Variants in CD160 observed in about 807,000 individuals in gnomAD.
CD160 encodes the protein CD160 antigen.
In CD160, 11 loss-of-function variants were observed where a neutral mutation model predicts 19.2. The observed-to-expected ratio is 0.57, with a 90% CI of 0.36 to 0.95. CD160 has a LOEUF of 0.95. Among genes scored for constraint, CD160 ranks in the 40% least tolerant of loss-of-function variants. The pLI is 0.01. For synonymous variants in CD160, 75 were observed against 81.1 expected, an observed-to-expected ratio of 0.93 and a Z score of 0.40; for missense variants, 182 against 213.2, an observed-to-expected ratio of 0.85 and a Z score of 0.91.
intron 4 of CD160, 48 bp downstream of exon 4, chr1:145,731,118 G>C: frequency 7.0e-7 from 1 of 1,437,542 alleles, no homozygotes; most frequent in African/African-American, 1.4e-5. Context: ...CAGTGAGCAG[G>C]GTTGACAGTG....
At chr1:145,734,142 T>G (rs1189358761) in intron 4 of CD160, among the ~76,000 whole-genome samples, 1 of 152,150 alleles carries the variant, frequency 6.6e-6, no homozygotes, top group African/African-American at 2.4e-5. Flanking sequence ...AGTACTTTGT[T>G]ATTCCTTTCC....
At chr1:145,720,685 C>T (rs587658699) in intron 1 of CD160, among the ~76,000 whole-genome samples, 1 of 152,322 alleles carries the variant, frequency 6.6e-6, no homozygotes, top group South Asian at 2.1e-4. Flanking sequence ...GAAATGGAGA[C>T]TCTTCCTTGC....
intron 1 of CD160, among the ~76,000 whole-genome samples, chr1:145,721,977 AAG>A (rs1347722298): frequency 6.6e-6 from 1 of 152,216 alleles, no homozygotes; most frequent in Non-Finnish European, 1.5e-5. Context: ...CTCCAAGAGA[AAG>A]ACTCTCATAA....
chr1:145,736,357 T>A, intron 5 of CD160: 2 of 1,342,806 alleles, frequency 1.5e-6, no homozygotes, highest in Non-Finnish European at 2.0e-6. Context: ...GGGTAGGAGG[T>A]AAGACTCATT....
At chr1:145,736,661 G>A (rs587678629) in intron 5 of CD160, 3 of 160,294 alleles carry the variant, frequency 1.9e-5, no homozygotes, top group African/African-American at 4.8e-5. Flanking sequence ...TTGTCATAAC[G>A]TTTTTGCATA....
chr1:145,721,460 C>G (rs1656845555), intron 1 of CD160, among the ~76,000 whole-genome samples: 1 of 152,176 alleles, frequency 6.6e-6, no homozygotes, highest in Non-Finnish European at 1.5e-5. Flanking sequence ...TCGCTGCCCC[C>G]CAGCGCTGGT....
intron 4 of CD160, among the ~76,000 whole-genome samples, chr1:145,734,604 G>C (rs900387980): frequency 1.2e-4 from 19 of 152,182 alleles, no homozygotes; most frequent in African/African-American, 2.4e-5. Flanking sequence ...TTGGAGAACA[G>C]AATGAGGTAT....
rs1657531778 is a variant in CD160 at position 145,737,205 on chromosome 1, C to T, written c.538+1071C>T. 5 of 149,432 alleles carry T rather than the reference C, an allele frequency of 3.3e-5. No homozygotes were observed. The Admixed American group carries it at 3.4e-4, about 10-fold the overall frequency. 9.3% of individuals were successfully genotyped at this position (149,432 alleles called of 1,614,324 possible). A position where few individuals can be genotyped will look rare whatever the true frequency, so the allele number is the denominator to read the frequency against. On this transcript the variant is annotated intron_variant, in intron 5 of 5. Transcript: ENST00000369288. ...GGTTGAGGTTGCAGTGAGCCATGAT[C>T]ATGCCACTGTACTCCAGCCTGGGTG...
Position 145,731,020 on chromosome 1 carries a change from A to G in CD160, c.350A>G (p.Gln117Arg), listed in dbSNP as rs1380211387. The change falls in exon 4 of 6, where the codon CAG (glutamine) becomes CGG (arginine). Residue 117 changes from glutamine (Q) to arginine (R), a missense_variant. Physicochemically the swap from Gln to Arg is conservative, Grantham distance 43 (BLOSUM62 1). Coordinates refer to ENST00000369288, the MANE Select transcript of CD160 (RefSeq NM_007053.4). ...SGTYQCCARS[Q>R]KSGIRLQGHF... ...ACCTACCAGTGTTGTGCCAGAAGCC[A>G]GAAGTCAGGTATCCGCCTTCAGGGC... The G allele has an allele frequency of 8.1e-6, 13 of 1,614,078 alleles. No homozygotes were observed. The highest frequency in any genetic ancestry group is 5.0e-5 in the Admixed American group (3 of 60,000).
intron 1 of CD160, among the ~76,000 whole-genome samples, chr1:145,722,886 G>A (rs1350203650): frequency 6.6e-6 from 1 of 152,138 alleles, no homozygotes; most frequent in African/African-American, 2.4e-5. Flanking sequence ...GAGACACCGC[G>A]CCCGGCGCCA....
At chr1:145,725,989 C>T (rs1553708329) in intron 2 of CD160, among the ~76,000 whole-genome samples, 2 of 151,374 alleles carry the variant, frequency 1.3e-5, no homozygotes. Flanking sequence ...AAACAAATAG[C>T]CTTTCATATA....
At chr1:145,725,815 A>G (rs946572932) in intron 2 of CD160, among the ~76,000 whole-genome samples, 6 of 152,238 alleles carry the variant, frequency 3.9e-5, no homozygotes, top group Middle Eastern at 3.4e-3. Context: ...TGGAGATATT[A>G]ACCAACACAA....
intron 5 of CD160, chr1:145,737,497 AAC>A (rs1438054999): frequency 6.6e-6 from 1 of 152,216 alleles, no homozygotes; most frequent in East Asian, 1.9e-4. Flanking sequence ...TCAAAAAGAA[AAC>A]AGAGACCTTA....
chr1:145,732,201 A>G (rs986352902), intron 4 of CD160, among the ~76,000 whole-genome samples: 7 of 152,240 alleles, frequency 4.6e-5, no homozygotes, highest in African/African-American at 1.7e-4. Context: ...CTAGAATTAT[A>G]TATTCAGCCA....
At chr1:145,724,303 T>C (rs1199231699) in intron 1 of CD160, among the ~76,000 whole-genome samples, 1 of 152,232 alleles carries the variant, frequency 6.6e-6, no homozygotes, top group African/African-American at 2.4e-5. Context: ...TTGGGTTTTC[T>C]AGATGTAAGT....
chr1:145,720,622 G>A (rs1376185430), intron 1 of CD160, among the ~76,000 whole-genome samples: 1 of 152,216 alleles, frequency 6.6e-6, no homozygotes, highest in African/African-American at 2.4e-5. Flanking sequence ...GTGGAGCTCA[G>A]AGCTGACCTT....
intron 5 of CD160, 153 bp from the exon 6 acceptor site, chr1:145,738,333 T>C: frequency 4.5e-6 from 2 of 440,502 alleles, no homozygotes; most frequent in Non-Finnish European, 8.2e-6. Context: ...TAAGATGCAA[T>C]ACATAAAATA....
Position 145,730,812 on chromosome 1 carries a change from C to T in CD160, c.142C>T (p.His48Tyr). 6.2e-7 allele frequency: 1 copy of T among 1,614,142 alleles called. No homozygotes were observed. Among genetic ancestry groups the T allele is most frequent in the Non-Finnish European group, 8.5e-7 (1 of 1,180,024 alleles). Residue 48 changes from histidine (H) to tyrosine (Y), a missense_variant, in exon 4 of 6, where the codon CAT becomes TAT. By Grantham distance (83) the His-to-Tyr change is moderately conservative (BLOSUM62 2). Transcript: ENST00000369288. ...TRLNLICTVW[H>Y]KKEEAEGFVV... ...ACTAAACTTAATCTGTACTGTATGG[C>T]ATAAGAAAGAAGAGGCTGAGGGGTT...
chr1:145,723,580 CT>C (rs587712124), intron 1 of CD160, among the ~76,000 whole-genome samples: 57 of 151,896 alleles, frequency 3.8e-4, no homozygotes, highest in African/African-American at 1.4e-3. Context: ...CACCTGTTTC[CT>C]TTTTTTATGG....
Sources: allele counts gnomAD v4.1 joint callset (sites outside exome capture counted in the v4.1 genomes callset), GRCh38; gene constraint gnomAD v4.1.1; transcripts MANE v1.5; gene names NCBI Gene and HGNC (gene_info 2026-07-23, HGNC 2026-07-21).